The following GOSR1 variants were observed in gnomAD, a reference collection of about 807,000 sequenced individuals.
GOSR1 encodes the protein golgi SNAP receptor complex member 1, also known as 28 kDa Golgi SNARE protein.
GOSR1 carries 21 observed loss-of-function variants against 35.5 expected under a neutral mutation model. That is an observed-to-expected ratio of 0.59 (90% CI 0.42 to 0.85). The LOEUF (loss-of-function observed/expected upper bound fraction) is 0.85. GOSR1 is among the 40% of genes least tolerant of loss of function. The pLI is 0.00. For synonymous variants in GOSR1, 94 were observed against 106.6 expected (o/e 0.88, Z 0.73); for missense variants, 285 against 309.6 (o/e 0.92, Z 0.60).
intron 8 of GOSR1, 119 bp downstream of exon 8, chr17:30,520,140 C>T (rs1967971678): frequency 1.4e-6 from 1 of 691,048 alleles, no homozygotes; most frequent in African/African-American, 1.8e-5. Flanking sequence ...TCAGTAATTG[C>T]ATAATATGAA....
At chr17:30,483,267 C>T (rs561083551) in intron 2 of GOSR1, among the ~76,000 whole-genome samples, 1 of 152,140 alleles carries the variant, frequency 6.6e-6, no homozygotes, top group East Asian at 1.9e-4. Flanking sequence ...TTTACTCTTA[C>T]ACTGTCCTGA....
At chr17:30,500,167 T>C (rs930098703) in intron 6 of GOSR1, among the ~76,000 whole-genome samples, 1 of 152,122 alleles carries the variant, frequency 6.6e-6, no homozygotes, top group Non-Finnish European at 1.5e-5. Flanking sequence ...AGAGCCGAGG[T>C]TTTTAATTTT....
chr17:30,483,389 A>G (rs939767094), intron 2 of GOSR1, among the ~76,000 whole-genome samples: 1 of 152,202 alleles, frequency 6.6e-6, no homozygotes, highest in Admixed American at 6.5e-5. Context: ...CAGGCTGTAT[A>G]CTAGGTGCTA....
chr17:30,479,814 A>C (rs1372177937), intron 1 of GOSR1: 4 of 152,126 alleles, frequency 2.6e-5, no homozygotes, highest in Non-Finnish European at 5.9e-5. Flanking sequence ...GGCCTCAGTA[A>C]GTTTTTTAAA....
At chr17:30,505,227 T>C (rs1967356750) in intron 6 of GOSR1, among the ~76,000 whole-genome samples, 1 of 152,196 alleles carries the variant, frequency 6.6e-6, no homozygotes, top group African/African-American at 2.4e-5. Context: ...TAGATTTGCA[T>C]GCAGTTTTAA....
chr17:30,478,441 GC>G (rs1233307866), intron 1 of GOSR1: 2 of 152,146 alleles, frequency 1.3e-5, no homozygotes, highest in Non-Finnish European at 2.9e-5. Context: ...CTTTCAAAAT[GC>G]TTTTACTTAT....
rs1399689154 is a variant in GOSR1, at chr17:30,481,177, A to C, written c.66A>C (p.Glu22Asp). ...AACAGGCTCGACAGCTGGAAAATGAACTTGACCTGAAACTAGTTTCCTTCA... is the reference window on the plus strand; with the variant it reads ...AACAGGCTCGACAGCTGGAAAATGACCTTGACCTGAAACTAGTTTCCTTCA... Reference protein sequence around the residue: ...LRKQARQLENELDLKLVSFSK... With the variant: ...LRKQARQLENDLDLKLVSFSK... The change falls in exon 2 of 9, where the codon GAA (glutamate) becomes GAC (aspartate). Residue 22 changes from glutamate to aspartate, a missense_variant. Physicochemically the swap from Glu to Asp is conservative, Grantham distance 45 (BLOSUM62 2). Coordinates refer to ENST00000451249, the MANE Select transcript of GOSR1 (RefSeq NM_001007025.2). 2 of 1,600,126 alleles carry C rather than the reference A, an allele frequency of 1.2e-6. No individual in the cohort carries two copies. The highest frequency in any genetic ancestry group is 2.7e-5 in the African/African-American group (2 of 74,694).
intron 7 of GOSR1, among the ~76,000 whole-genome samples, chr17:30,517,826 A>AT (rs926168757): frequency 6.6e-6 from 1 of 152,028 alleles, no homozygotes; most frequent in Non-Finnish European, 1.5e-5. Flanking sequence ...TTCATGTGTC[A>AT]TTTGTTTAGA....
intron 7 of GOSR1, among the ~76,000 whole-genome samples, chr17:30,518,141 C>T (rs1967890813): frequency 6.6e-6 from 1 of 152,184 alleles, no homozygotes; most frequent in African/African-American, 2.4e-5. Flanking sequence ...GATCCATAGT[C>T]TTCCACTGTC....
chr17:30,490,968 G>A (rs1013796865), intron 5 of GOSR1, among the ~76,000 whole-genome samples: 2 of 152,122 alleles, frequency 1.3e-5, no homozygotes, highest in Non-Finnish European at 2.9e-5. Context: ...TAAATTATGT[G>A]ATACATTTTA....
Position 30,490,199 on chromosome 17 carries a change from C to A in GOSR1, c.416C>A (p.Ser139Ter). The stretch of plus-strand genomic sequence containing the variant: ...CGGGAAAGGGAGAATCTTATGGGAT[C>A]AGTACGAAAAGATATTGAGTAAGTT... ...AIRERENLMG[S>*]VRKDIESYKS... Residue 139 changes from serine (S) to a stop codon, truncating the protein, a stop_gained, in exon 5 of 9, where the codon TCA becomes TAA. Coordinates refer to ENST00000451249, the MANE Select transcript of GOSR1 (RefSeq NM_001007025.2). LOFTEE classifies it high-confidence loss of function. The A allele has an allele frequency of 6.6e-7, 1 of 1,521,688 alleles. No homozygotes were observed. The highest frequency in any genetic ancestry group is 9.1e-7 in the Non-Finnish European group (1 of 1,096,122). The allele number at this position is 1,521,688 out of a possible 1,614,324, so 94.3% of individuals were successfully genotyped here.
chr17:30,499,598 C>T (rs533981726), intron 6 of GOSR1, among the ~76,000 whole-genome samples: 18 of 152,354 alleles, frequency 1.2e-4, no homozygotes, highest in South Asian at 1.0e-3. Context: ...GCCTTGGCCT[C>T]CCAAAGTGCT....
In GOSR1 at chr17:30,481,253, G is replaced by A. The variant is rs538647813; in HGVS notation, c.142G>A (p.Asp48Asn). 1.4e-5 allele frequency: 23 copies of A among 1,607,568 alleles called. No homozygotes were observed. The highest frequency in any genetic ancestry group is 5.0e-5 in the Admixed American group (3 of 60,012). Reference sequence around the variant, plus strand: ...TAGCAGTACCCGAGATGGAAGACGCGACAGGTATAGGTACTACCAGATTCT... The same window carrying A: ...TAGCAGTACCCGAGATGGAAGACGCAACAGGTATAGGTACTACCAGATTCT... ...SHSSTRDGRR[D>N]SSDTTPLLNG... The change falls in exon 2 of 9, where the codon GAC (aspartate) becomes AAC (asparagine). Residue 48 changes from aspartate to asparagine, a missense_variant. By Grantham distance (23) the Asp-to-Asn change is conservative. Transcript: ENST00000451249.
chr17:30,478,377 A>G (rs1914092510), intron 1 of GOSR1: 1 of 152,188 alleles, frequency 6.6e-6, no homozygotes. Flanking sequence ...TGTCACTATC[A>G]GCCCCTTGGT....
chr17:30,522,923 C>G lies in GOSR1; in HGVS notation c.*545C>G, dbSNP rs1007066236. 5.4e-6 allele frequency: 1 copy of G among 184,004 alleles called. No individual in the cohort carries two copies. Among genetic ancestry groups the G allele is most frequent in the Non-Finnish European group, 1.1e-5 (1 of 89,432 alleles). The allele number at this position is 184,004 out of a possible 1,614,324, so 11.4% of individuals were successfully genotyped here. ...CTCACTGCAACCTCCCTGCCTGATT[C>G]TCCTGCCTCAGCCTGCCGAGTGCCT... is the stretch of plus-strand genomic sequence containing the variant. On this transcript the variant is annotated 3_prime_UTR_variant, in exon 9 of 9. Coordinates refer to ENST00000451249, the MANE Select transcript of GOSR1 (RefSeq NM_001007025.2).
chr17:30,508,621 T>C (rs1224055861), intron 6 of GOSR1, among the ~76,000 whole-genome samples: 5 of 152,220 alleles, frequency 3.3e-5, no homozygotes, highest in African/African-American at 9.7e-5. Context: ...GAAGAGTAAG[T>C]GCATAGTTAA....
intron 7 of GOSR1, among the ~76,000 whole-genome samples, chr17:30,515,060 C>CT (rs1967749547): frequency 6.6e-6 from 1 of 152,178 alleles, no homozygotes; most frequent in Non-Finnish European, 1.5e-5. Flanking sequence ...TATTTGAACT[C>CT]TGCCTTTCAT....
At chr17:30,477,801 G>A in intron 1 of GOSR1, 1 of 985,356 alleles carries the variant, frequency 1.0e-6, no homozygotes, top group Non-Finnish European at 1.2e-6. Context: ...TACGAACTCT[G>A]AGAGGAAACG....
At chr17:30,481,287 T>C in intron 2 of GOSR1, 30 bp downstream of exon 2, 1 of 1,523,210 alleles carries the variant, frequency 6.6e-7, no homozygotes, top group Non-Finnish European at 9.0e-7. Context: ...CTGTCTCCTA[T>C]GCCTTAACTG....
Sources: allele counts gnomAD v4.1 joint callset (sites outside exome capture counted in the v4.1 genomes callset), GRCh38; gene constraint gnomAD v4.1.1; transcripts MANE v1.5; gene names NCBI Gene and HGNC (gene_info 2026-07-23, HGNC 2026-07-21).